Variants in CTNNA3 observed in about 807,000 individuals in gnomAD.
CTNNA3 encodes the protein catenin alpha 3.
In CTNNA3, 76 loss-of-function variants were observed where a neutral mutation model predicts 95.7. The ratio of observed to expected loss-of-function variants is 0.79; its 90% CI spans 0.66 to 0.96. The LOEUF (loss-of-function observed/expected upper bound fraction) is 0.96. CTNNA3 is among the 40% of genes least tolerant of loss of function. The pLI, the probability that CTNNA3 is intolerant of heterozygous loss-of-function variation, is 0.00. For synonymous variants in CTNNA3, 431 were observed against 374.4 expected, an observed-to-expected ratio of 1.15 and a Z score of -1.74; for missense variants, 1,191 against 1,089.8, an observed-to-expected ratio of 1.09 and a Z score of -1.31.
At chr10:66,125,738 A>T (rs943662423) in intron 13 of CTNNA3, among the ~76,000 whole-genome samples, 12 of 152,204 alleles carry the variant, frequency 7.9e-5, no homozygotes, top group African/African-American at 2.9e-4. Context: ...TGGGTGAAAG[A>T]ATCCCACCTG....
chr10:67,728,776 C>T (rs1841258790), intron 1 of CTNNA3, among the ~76,000 whole-genome samples: 1 of 151,892 alleles, frequency 6.6e-6, no homozygotes, highest in African/African-American at 2.4e-5. Flanking sequence ...TATGAAGCTC[C>T]ATAGTTAGCT....
chr10:66,464,031 A>T lies in CTNNA3; in HGVS notation c.1531+56586T>A, dbSNP rs567351225. 1.0e-3 allele frequency among the ~76,000 whole-genome samples: 159 copies of T among 152,222 alleles called. 1 individual carries two copies. Among genetic ancestry groups the T allele is most frequent in the African/African-American group, 3.4e-3 (142 of 41,530 alleles). ...TATTGTTGGCATTTGATTAAAACTT[A>T]CTTATTACTTTTTAAATTAAATGAC... On this transcript the variant is annotated intron_variant, in intron 11 of 17. Transcript: ENST00000433211.
At chr10:67,403,112 C>T (rs1031019854) in intron 5 of CTNNA3, among the ~76,000 whole-genome samples, 1 of 152,218 alleles carries the variant, frequency 6.6e-6, no homozygotes, top group Non-Finnish European at 1.5e-5. Flanking sequence ...AGTCTGTGGG[C>T]TTTGGAGAGT....
At position 67,391,122 on chromosome 10, in the gene CTNNA3, G is replaced by C. The variant is rs866676289; in HGVS notation, c.579+130720C>G. ...GAAAAGAGGAAGTCAAATTGTCCCTGTTTGCAGACGACATGATTGTATATC... is the reference window on the plus strand; with the variant it reads ...GAAAAGAGGAAGTCAAATTGTCCCTCTTTGCAGACGACATGATTGTATATC... On this transcript the variant is annotated intron_variant, in intron 5 of 17. Coordinates refer to ENST00000433211, the MANE Select transcript of CTNNA3 (RefSeq NM_013266.4). Among the ~76,000 whole-genome samples the C allele has an allele frequency of 2.8e-3, 419 of 151,910 alleles. 10 individuals carry two copies. The Middle Eastern group carries it at 0.031, about 11-fold the overall frequency.
intron 3 of CTNNA3, among the ~76,000 whole-genome samples, chr10:67,592,971 C>A: frequency 6.6e-6 from 1 of 152,106 alleles, no homozygotes; most frequent in East Asian, 1.9e-4. Context: ...CCTTCTCCTA[C>A]CCTCCACCTT....
At chr10:66,582,561 T>A (rs1490122429) in intron 10 of CTNNA3, among the ~76,000 whole-genome samples, 1 of 151,796 alleles carries the variant, frequency 6.6e-6, no homozygotes, top group Non-Finnish European at 1.5e-5. Flanking sequence ...GCTTTCTAGA[T>A]ATAAGATTAT....
intron 9 of CTNNA3, among the ~76,000 whole-genome samples, chr10:66,731,782 A>C (rs1206325005): frequency 6.6e-6 from 1 of 152,188 alleles, no homozygotes; most frequent in Non-Finnish European, 1.5e-5. Flanking sequence ...CTTTGCTACC[A>C]ACAATGGTTT....
intron 11 of CTNNA3, among the ~76,000 whole-genome samples, chr10:66,500,550 T>G (rs779873182): frequency 6.6e-6 from 1 of 152,134 alleles, no homozygotes; most frequent in Non-Finnish European, 1.5e-5. Context: ...TCTACCTTCA[T>G]GAAATTTCCC....
At chr10:67,670,886 G>GT (rs1840418626) in intron 1 of CTNNA3, among the ~76,000 whole-genome samples, 1 of 151,888 alleles carries the variant, frequency 6.6e-6, no homozygotes, top group Non-Finnish European at 1.5e-5. Context: ...TTATGTGTAT[G>GT]GATGTTTAAA....
At chr10:67,718,943 T>C (rs544795960) in intron 1 of CTNNA3, among the ~76,000 whole-genome samples, 186 of 152,290 alleles carry the variant, frequency 1.2e-3, no homozygotes, top group African/African-American at 4.3e-3. Context: ...TGGGCTTTTT[T>C]TGGTTGGTAG....
intron 5 of CTNNA3, among the ~76,000 whole-genome samples, chr10:67,387,757 C>G (rs1844253377): frequency 1.3e-5 from 2 of 152,336 alleles, no homozygotes; most frequent in Admixed American, 1.3e-4. Context: ...TGACCCCTGA[C>G]CTCTGAGCAG....
chr10:67,189,498 T>C (rs1445886560), intron 6 of CTNNA3, among the ~76,000 whole-genome samples: 1 of 149,994 alleles, frequency 6.7e-6, no homozygotes, highest in Non-Finnish European at 1.5e-5. Flanking sequence ...AAAATAAGTA[T>C]GTGAGGTAGT....
At chr10:66,580,975 A>C (rs1215933027) in intron 10 of CTNNA3, among the ~76,000 whole-genome samples, 2 of 151,750 alleles carry the variant, frequency 1.3e-5, no homozygotes, top group Non-Finnish European at 3.0e-5. Flanking sequence ...CTTAGCTCCC[A>C]CTTATAAGAG....
At chr10:67,155,814 G>A (rs1238027922) in intron 7 of CTNNA3, among the ~76,000 whole-genome samples, 7 of 152,014 alleles carry the variant, frequency 4.6e-5, no homozygotes, top group East Asian at 1.9e-4. Flanking sequence ...TTGTTACTGC[G>A]TTCAGAAGTG....
chr10:66,583,887 T>C (rs1282261337), intron 10 of CTNNA3, among the ~76,000 whole-genome samples: 2 of 151,904 alleles, frequency 1.3e-5, no homozygotes, highest in Non-Finnish European at 2.9e-5. Context: ...GTCACTGTTG[T>C]TATTCATTTC....
chr10:66,614,326 G>T (rs7909235), intron 10 of CTNNA3, among the ~76,000 whole-genome samples: 40,260 of 151,870 alleles, frequency 0.27, 6,027 homozygotes, highest in Non-Finnish European at 0.35. Context: ...TCTGAAAAAG[G>T]TCATTGAGGT....
intron 9 of CTNNA3, among the ~76,000 whole-genome samples, chr10:66,735,723 CT>C (rs1230497309): frequency 6.6e-6 from 1 of 151,996 alleles, no homozygotes; most frequent in Non-Finnish European, 1.5e-5. Flanking sequence ...TTTTCTTCTA[CT>C]TTTTTAATTG....
At chr10:66,717,201 G>A (rs1373033405) in intron 9 of CTNNA3, among the ~76,000 whole-genome samples, 4 of 151,920 alleles carry the variant, frequency 2.6e-5, no homozygotes, top group Non-Finnish European at 4.4e-5. Flanking sequence ...TAAAACCTAC[G>A]CGATAGATTT....
chr10:67,661,695 A>T (rs1052244803), intron 1 of CTNNA3, among the ~76,000 whole-genome samples: 1 of 152,188 alleles, frequency 6.6e-6, no homozygotes, highest in Non-Finnish European at 1.5e-5. Context: ...TAAATGAAAA[A>T]CAACTCAACT....
Sources: allele counts gnomAD v4.1 joint callset (sites outside exome capture counted in the v4.1 genomes callset), GRCh38; gene constraint gnomAD v4.1.1; transcripts MANE v1.5; gene names NCBI Gene and HGNC (gene_info 2026-07-23, HGNC 2026-07-21).